SCN2A: variants seen among roughly 807,000 people sequenced by gnomAD.
SCN2A encodes the protein sodium channel protein type 2 subunit alpha.
SCN2A carries 20 observed loss-of-function variants against 188.7 expected under a neutral mutation model. The ratio of observed to expected loss-of-function variants is 0.11; its 90% CI spans 0.07 to 0.15. The LOEUF (loss-of-function observed/expected upper bound fraction) is 0.15. Among genes scored for constraint, SCN2A ranks in the 10% least tolerant of loss-of-function variants. The probability of loss-of-function intolerance (pLI) is 1.00; values close to 1 mark genes in which losing one functional copy is unlikely to be tolerated. For missense variants in SCN2A, 1,278 were observed against 2,445.0 expected (o/e 0.52, Z 10.07); for synonymous variants, 804 against 833.1 (o/e 0.97, Z 0.60).
intron 1 of SCN2A, among the ~76,000 whole-genome samples, chr2:165,252,564 G>A (rs1395334680): frequency 6.6e-6 from 1 of 151,778 alleles, no homozygotes; most frequent in African/African-American, 2.4e-5. Context: ...ACAAAAAAAG[G>A]AAAATTTTAT....
intron 1 of SCN2A, among the ~76,000 whole-genome samples, chr2:165,291,530 TTCC>T (rs1696185891): frequency 7.3e-5 from 2 of 27,440 alleles, no homozygotes; most frequent in Non-Finnish European, 1.6e-4. Context: ...CTTTCTTTCC[TTCC>T]TTCCTTCCTT....
At chr2:165,354,060 G>A (rs932579927) in intron 16 of SCN2A, 132 bp from the exon 17 acceptor site, 3 of 1,068,654 alleles carry the variant, frequency 2.8e-6, no homozygotes, top group African/African-American at 3.1e-5. Context: ...TTTCAGAATA[G>A]TGTATCATGA....
intron 23 of SCN2A, among the ~76,000 whole-genome samples, chr2:165,378,255 G>A (rs1054809550): frequency 1.0e-4 from 15 of 147,214 alleles, no homozygotes. Context: ...GTATGCCAGA[G>A]CATGATAATA....
chr2:165,303,500 C>T (rs1696953042), intron 3 of SCN2A, among the ~76,000 whole-genome samples: 1 of 151,940 alleles, frequency 6.6e-6, no homozygotes, highest in African/African-American at 2.4e-5. Context: ...TGGTCTCGAT[C>T]TCCTGACCTC....
intron 22 of SCN2A, among the ~76,000 whole-genome samples, chr2:165,375,193 A>G (rs994223583): frequency 6.6e-6 from 1 of 152,042 alleles, no homozygotes; most frequent in Non-Finnish European, 1.5e-5. Context: ...TCAAAAAACT[A>G]AAAATAGAAC....
intron 17 of SCN2A, among the ~76,000 whole-genome samples, chr2:165,361,629 A>G (rs1447861003): frequency 6.6e-6 from 1 of 152,024 alleles, no homozygotes; most frequent in Admixed American, 6.6e-5. Context: ...AAGTACCACA[A>G]GTGGAAAAGT....
chr2:165,345,677 G>C (rs111387314), intron 16 of SCN2A, among the ~76,000 whole-genome samples: 5,933 of 151,990 alleles, frequency 0.039, 371 homozygotes, highest in African/African-American at 0.13. Flanking sequence ...GCCAGTCTGT[G>C]TCTTTTAATT....
intron 1 of SCN2A, among the ~76,000 whole-genome samples, chr2:165,280,537 C>A (rs574029135): frequency 1.3e-5 from 2 of 152,208 alleles, no homozygotes; most frequent in East Asian, 3.9e-4. Context: ...ACTTCAGCAC[C>A]AAGTCTGAAG....
chr2:165,281,915 G>A (rs1368547920), intron 1 of SCN2A, among the ~76,000 whole-genome samples: 2 of 152,142 alleles, frequency 1.3e-5, no homozygotes, highest in Non-Finnish European at 2.9e-5. Flanking sequence ...TGTGGAGCAT[G>A]TTCTGGGTGC....
chr2:165,316,007 T>C (rs1369819141), intron 11 of SCN2A, among the ~76,000 whole-genome samples: 1 of 152,194 alleles, frequency 6.6e-6, no homozygotes, highest in Non-Finnish European at 1.5e-5. Flanking sequence ...TCTTAAAGAC[T>C]GAAAAATCTT....
At chr2:165,289,694 ATTCT>A (rs1314704530) in intron 1 of SCN2A, among the ~76,000 whole-genome samples, 1 of 152,158 alleles carries the variant, frequency 6.6e-6, no homozygotes, top group Non-Finnish European at 1.5e-5. Context: ...ACAGACTATA[ATTCT>A]TTACTTACAT....
At chr2:165,359,320 T>C (rs749559581) in intron 17 of SCN2A, among the ~76,000 whole-genome samples, 2 of 152,116 alleles carry the variant, frequency 1.3e-5, no homozygotes, top group Non-Finnish European at 2.9e-5. Flanking sequence ...TTTAGGCACT[T>C]TCGGATAATA....
intron 26 of SCN2A, among the ~76,000 whole-genome samples, chr2:165,387,787 A>C (rs1379580362): frequency 6.6e-6 from 1 of 152,160 alleles, no homozygotes; most frequent in East Asian, 1.9e-4. Context: ...AGCACTCTTT[A>C]AACTACTTTC....
intron 1 of SCN2A, among the ~76,000 whole-genome samples, chr2:165,261,264 A>G (rs1694583839): frequency 6.6e-6 from 1 of 152,208 alleles, no homozygotes; most frequent in African/African-American, 2.4e-5. Flanking sequence ...CATAATTCTC[A>G]ATTTTATCTT....
intron 1 of SCN2A, among the ~76,000 whole-genome samples, chr2:165,247,233 C>A (rs1027019125): frequency 4.6e-5 from 7 of 152,156 alleles, no homozygotes; most frequent in Non-Finnish European, 4.4e-5. Flanking sequence ...TGCATACAAG[C>A]ATTTTATTAT....
intron 1 of SCN2A, among the ~76,000 whole-genome samples, chr2:165,287,989 A>G (rs1019670351): frequency 2.0e-5 from 3 of 152,210 alleles, no homozygotes; most frequent in Non-Finnish European, 2.9e-5. Context: ...ATACAGTACC[A>G]TGTCTGAATT....
intron 3 of SCN2A, among the ~76,000 whole-genome samples, chr2:165,304,815 G>GGA (rs1194271952): frequency 6.6e-6 from 1 of 152,156 alleles, no homozygotes; most frequent in African/African-American, 2.4e-5. Context: ...AAATGAAACT[G>GGA]GAGAAGTAGA....
chr2:165,299,213 A>G (rs1405012604), intron 3 of SCN2A, among the ~76,000 whole-genome samples: 1 of 152,188 alleles, frequency 6.6e-6, no homozygotes, highest in African/African-American at 2.4e-5. Context: ...TGATCAGAGA[A>G]TATGAGTACT....
chr2:165,241,534 G>T (rs1289069663), intron 1 of SCN2A, among the ~76,000 whole-genome samples: 5 of 152,304 alleles, frequency 3.3e-5, no homozygotes, highest in Admixed American at 2.6e-4. Context: ...CTTGAGAAAA[G>T]AAAGGGATTA....
Sources: allele counts gnomAD v4.1 joint callset (sites outside exome capture counted in the v4.1 genomes callset), GRCh38; gene constraint gnomAD v4.1.1; transcripts MANE v1.5; gene names NCBI Gene and HGNC (gene_info 2026-07-23, HGNC 2026-07-21).